Variants in RAB3C observed in about 807,000 individuals in gnomAD.
The protein encoded by RAB3C is ras-related protein Rab-3C.
A neutral mutation model predicts 26.4 loss-of-function variants in RAB3C; 17 were observed. The observed-to-expected ratio is 0.64, with a 90% CI of 0.44 to 0.97. The LOEUF (loss-of-function observed/expected upper bound fraction) is 0.97, where lower values mean the gene tolerates loss of function less well. Among genes scored for constraint, RAB3C ranks in the 50% least tolerant of loss-of-function variants. The probability of loss-of-function intolerance (pLI) is 0.00; values close to 1 mark genes in which losing one functional copy is unlikely to be tolerated. For missense variants in RAB3C, 242 were observed against 281.9 expected (o/e 0.86, Z 1.01); for synonymous variants, 91 against 95.9 (o/e 0.95, Z 0.30).
chr5:58,588,052 C>T (rs1054920587), intron 1 of RAB3C, among the ~76,000 whole-genome samples: 1 of 152,044 alleles, frequency 6.6e-6, no homozygotes, highest in Non-Finnish European at 1.5e-5. Flanking sequence ...CATTTTATTG[C>T]TGAATATTAT....
chr5:58,714,821 G>A (rs1334098917), intron 2 of RAB3C, among the ~76,000 whole-genome samples: 1 of 151,390 alleles, frequency 6.6e-6, no homozygotes, highest in Non-Finnish European at 1.5e-5. Context: ...CAACCAAAGA[G>A]AAAGCAGGAT....
chr5:58,635,956 A>G (rs1448900797), intron 2 of RAB3C, among the ~76,000 whole-genome samples: 6 of 152,228 alleles, frequency 3.9e-5, no homozygotes, highest in African/African-American at 1.4e-4. Context: ...GAACACATTG[A>G]AAATCACTGA....
At chr5:58,593,157 A>G (rs992448946) in intron 1 of RAB3C, among the ~76,000 whole-genome samples, 1 of 152,092 alleles carries the variant, frequency 6.6e-6, no homozygotes. Context: ...TTTAAGTTCA[A>G]TGACTTTTTC....
At chr5:58,673,554 A>G (rs1038315322) in intron 2 of RAB3C, among the ~76,000 whole-genome samples, 48 of 152,036 alleles carry the variant, frequency 3.2e-4, no homozygotes, top group South Asian at 2.1e-4. Flanking sequence ...ATTTTATAGA[A>G]ACTACAACTA....
intron 3 of RAB3C, among the ~76,000 whole-genome samples, chr5:58,781,264 G>T (rs1742263615): frequency 6.6e-6 from 1 of 152,104 alleles, no homozygotes; most frequent in East Asian, 1.9e-4. Context: ...TTGGGTGAGA[G>T]AATGATCTGC....
At position 58,620,303 on chromosome 5, in the gene RAB3C, C is replaced by T. The variant is rs373048669; in HGVS notation, c.252+2433C>T. 1.1e-4 allele frequency among the ~76,000 whole-genome samples: 17 copies of T among 152,242 alleles called. No individual in the cohort carries two copies. The East Asian group carries it at 2.5e-3, about 22-fold the overall frequency. ...TTCCTCTTTAGGTACATTAGGAGCT[C>T]TTAAGGCACATCTGATTTTAGGAGT... On this transcript the variant is annotated intron_variant, in intron 2 of 4. Coordinates refer to ENST00000282878, the MANE Select transcript of RAB3C (RefSeq NM_138453.4).
In RAB3C at chr5:58,604,058, C is replaced by A. The variant is rs549000465; in HGVS notation, c.25-13585C>A. On this transcript the variant is annotated intron_variant, in intron 1 of 4. Coordinates refer to ENST00000282878, the MANE Select transcript of RAB3C (RefSeq NM_138453.4). ...TGGATGTGGCTTCCTGTGAGCCAAA[C>A]TGCAGTGATTGTTGTCTGTCTTCTG... is the stretch of plus-strand genomic sequence containing the variant. Among the ~76,000 whole-genome samples, 4 of 152,330 alleles carry A rather than the reference C, an allele frequency of 2.6e-5. No individual in the cohort carries two copies. In the South Asian group the frequency reaches 8.3e-4, roughly 32 times the overall value.
chr5:58,647,759 A>G (rs1747555882), intron 2 of RAB3C: 2 of 152,194 alleles, frequency 1.3e-5, no homozygotes, highest in South Asian at 2.1e-4. Context: ...GAAGTTAACA[A>G]TAATCCTAAC....
chr5:58,829,185 G>A (rs1328016290), intron 4 of RAB3C, among the ~76,000 whole-genome samples: 6 of 152,118 alleles, frequency 3.9e-5, no homozygotes, highest in Non-Finnish European at 8.8e-5. Flanking sequence ...TTACAGGTGT[G>A]AGCCATGGCA....
intron 2 of RAB3C, among the ~76,000 whole-genome samples, chr5:58,662,488 A>G (rs1747924949): frequency 1.3e-5 from 2 of 150,206 alleles, no homozygotes. Flanking sequence ...ATAGTTATTA[A>G]ACACCAAGCC....
At chr5:58,607,088 A>G (rs1746590460) in intron 1 of RAB3C, among the ~76,000 whole-genome samples, 1 of 152,248 alleles carries the variant, frequency 6.6e-6, no homozygotes, top group East Asian at 1.9e-4. Flanking sequence ...AGTAGGCTTC[A>G]GAAGGTCAGT....
At chr5:58,850,071 T>C (rs188883982) in intron 4 of RAB3C, among the ~76,000 whole-genome samples, 1 of 152,174 alleles carries the variant, frequency 6.6e-6, no homozygotes, top group Non-Finnish European at 1.5e-5. Context: ...GTCCCCTGAA[T>C]GGACCAGAGC....
chr5:58,789,262 G>A (rs1742467235), intron 3 of RAB3C, among the ~76,000 whole-genome samples: 1 of 151,974 alleles, frequency 6.6e-6, no homozygotes, highest in Non-Finnish European at 1.5e-5. Context: ...CATTAACCAA[G>A]GTGAAAATAT....
intron 3 of RAB3C, among the ~76,000 whole-genome samples, chr5:58,776,391 G>A (rs773433412): frequency 1.3e-5 from 2 of 151,898 alleles, no homozygotes; most frequent in Admixed American, 6.6e-5. Flanking sequence ...GTTCTCATCT[G>A]AGCCTATGCA....
chr5:58,737,479 T>A (rs1474826909), intron 3 of RAB3C, among the ~76,000 whole-genome samples: 2 of 141,758 alleles, frequency 1.4e-5, no homozygotes, highest in African/African-American at 5.2e-5. Flanking sequence ...TTATTGGCTG[T>A]CTACCTAACA....
intron 2 of RAB3C, among the ~76,000 whole-genome samples, chr5:58,712,931 C>T (rs970296276): frequency 2.6e-5 from 4 of 151,972 alleles, no homozygotes; most frequent in Non-Finnish European, 2.9e-5. Flanking sequence ...ATGAAGAAGA[C>T]AAAGATAAGA....
At chr5:58,843,764 A>T (rs1439337195) in intron 4 of RAB3C, among the ~76,000 whole-genome samples, 1 of 152,214 alleles carries the variant, frequency 6.6e-6, no homozygotes, top group Non-Finnish European at 1.5e-5. Flanking sequence ...GTGAAATTCC[A>T]TGCTTGGTAA....
intron 2 of RAB3C, among the ~76,000 whole-genome samples, chr5:58,641,868 A>G (rs1747419631): frequency 6.6e-6 from 1 of 151,958 alleles, no homozygotes; most frequent in African/African-American, 2.4e-5. Flanking sequence ...TTTAAAAAAG[A>G]GTTATTATTT....
chr5:58,615,358 A>G (rs1746801492), intron 1 of RAB3C, among the ~76,000 whole-genome samples: 1 of 152,164 alleles, frequency 6.6e-6, no homozygotes, highest in Non-Finnish European at 1.5e-5. Flanking sequence ...AGTCTGGTTC[A>G]TATGAAAAAA....
Sources: allele counts gnomAD v4.1 joint callset (sites outside exome capture counted in the v4.1 genomes callset), GRCh38; gene constraint gnomAD v4.1.1; transcripts MANE v1.5; gene names NCBI Gene and HGNC (gene_info 2026-07-23, HGNC 2026-07-21).